Variants in SPOCK3 observed in about 807,000 individuals in gnomAD.
SPOCK3 encodes SPARC (osteonectin), cwcv and kazal like domains proteoglycan 3, also known as testican-3.
SPOCK3 carries 30 observed loss-of-function variants against 56.6 expected under a neutral mutation model. That is an observed-to-expected ratio of 0.53 (90% CI 0.40 to 0.72). SPOCK3 has a LOEUF of 0.72. Ranked by LOEUF, SPOCK3 falls within the 30% of genes least tolerant of loss-of-function variation. The pLI, the probability that SPOCK3 is intolerant of heterozygous loss-of-function variation, is 0.00. For synonymous variants in SPOCK3, 196 were observed against 183.3 expected, an observed-to-expected ratio of 1.07 and a Z score of -0.56; for missense variants, 527 against 530.0, an observed-to-expected ratio of 0.99 and a Z score of 0.06.
intron 5 of SPOCK3, among the ~76,000 whole-genome samples, chr4:166,896,418 T>A (rs181669614): frequency 6.6e-6 from 1 of 152,246 alleles, no homozygotes; most frequent in East Asian, 1.9e-4. Flanking sequence ...CTCTCTTACA[T>A]GTAATCTGAA....
intron 6 of SPOCK3, among the ~76,000 whole-genome samples, chr4:166,880,353 C>T (rs1299724516): frequency 6.6e-6 from 1 of 152,104 alleles, no homozygotes; most frequent in Non-Finnish European, 1.5e-5. Flanking sequence ...TCCTTAAGTC[C>T]TCCACAGATT....
intron 3 of SPOCK3, among the ~76,000 whole-genome samples, chr4:167,054,520 C>T (rs1339489865): frequency 6.6e-6 from 1 of 152,174 alleles, no homozygotes; most frequent in African/African-American, 2.4e-5. Context: ...CATGTCAACT[C>T]ATGATTAACT....
chr4:166,822,144 G>C (rs1164259650), intron 6 of SPOCK3, among the ~76,000 whole-genome samples: 1 of 151,254 alleles, frequency 6.6e-6, no homozygotes, highest in Non-Finnish European at 1.5e-5. Context: ...AATCATATCA[G>C]TGCTTATCTC....
At chr4:166,978,514 G>A (rs1746214392) in intron 4 of SPOCK3, among the ~76,000 whole-genome samples, 1 of 152,160 alleles carries the variant, frequency 6.6e-6, no homozygotes, top group South Asian at 2.1e-4. Flanking sequence ...TTGGTCTGGA[G>A]TCCCTTAAAA....
Position 167,162,599 on chromosome 4 carries a change from G to A in SPOCK3, c.189+71386C>T, listed in dbSNP as rs145305933. ...AAAGGCCCACTGGACAGTGCTGCTC[G>A]AAGGTATACATTATTACCTATCACC... On this transcript the variant is annotated intron_variant, in intron 2 of 10. Transcript: ENST00000357545. Among the ~76,000 whole-genome samples, 342 of 152,148 alleles carry A rather than the reference G, an allele frequency of 2.2e-3. 1 individual carries two copies. The highest frequency in any genetic ancestry group is 7.6e-3 in the African/African-American group (314 of 41,552).
chr4:166,939,474 T>C (rs988460846), intron 4 of SPOCK3, among the ~76,000 whole-genome samples: 2 of 152,080 alleles, frequency 1.3e-5, no homozygotes, highest in Non-Finnish European at 1.5e-5. Flanking sequence ...GGAAGAATTG[T>C]GAATTTTAAA....
At position 167,234,309 on chromosome 4, in the gene SPOCK3, G is replaced by T; in HGVS notation, c.1-136C>A. On this transcript the variant is annotated intron_variant, in intron 1 of 10. Coordinates refer to ENST00000357545, the MANE Select transcript of SPOCK3 (RefSeq NM_001040159.2). ...GAGGAGGAGACAAGCAGAGGCAAGC[G>T]TGTCCCCTCCCCGCAGGCTTTACCC... The T allele has an allele frequency of 7.3e-6, 6 of 821,252 alleles. No homozygotes were observed. The South Asian group carries it at 9.9e-5, about 14-fold the overall frequency. The allele number at this position is 821,252 out of a possible 1,614,324, so 50.9% of individuals were successfully genotyped here.
chr4:167,019,561 T>C (rs913334735), intron 3 of SPOCK3, among the ~76,000 whole-genome samples: 55 of 151,968 alleles, frequency 3.6e-4, no homozygotes, highest in African/African-American at 1.3e-3. Context: ...TACTACAAAG[T>C]ATGCAGTTTT....
At chr4:167,109,514 A>ATTTATATATTTTATATAAAAT (rs1760705613) in intron 2 of SPOCK3, among the ~76,000 whole-genome samples, 1 of 119,554 alleles carries the variant, frequency 8.4e-6, no homozygotes, top group African/African-American at 3.6e-5. Flanking sequence ...TATAAAATAT[A>ATTTATATATTTTATATAAAAT]ATATTTATAT....
rs75377568 is a variant in SPOCK3 at position 166,971,166 on chromosome 4, A to C, written c.350+29183T>G. On this transcript the variant is annotated intron_variant, in intron 4 of 10. Transcript: ENST00000357545. ...GGTGTTTGCAAGATGTGACACAGAG[A>C]AAGGTAAAAGGTTCATGAATTTTCT... Among the ~76,000 whole-genome samples, 120 of 152,352 alleles carry C rather than the reference A, an allele frequency of 7.9e-4. 3 individuals carry two copies. The East Asian group carries it at 0.015, about 19-fold the overall frequency.
intron 2 of SPOCK3, among the ~76,000 whole-genome samples, chr4:167,132,006 G>GC (rs1762742489): frequency 1.3e-5 from 2 of 152,056 alleles, no homozygotes; most frequent in Non-Finnish European, 2.9e-5. Context: ...TTTTTATCTA[G>GC]CATCTCTCCA....
intron 6 of SPOCK3, among the ~76,000 whole-genome samples, chr4:166,804,013 C>G (rs1482849615): frequency 2.6e-5 from 4 of 152,158 alleles, no homozygotes; most frequent in Non-Finnish European, 5.9e-5. Context: ...GAAGGGTTCA[C>G]TAGCAGCTTC....
At chr4:166,893,536 T>G (rs1735014273) in intron 5 of SPOCK3, among the ~76,000 whole-genome samples, 1 of 152,056 alleles carries the variant, frequency 6.6e-6, no homozygotes, top group Non-Finnish European at 1.5e-5. Flanking sequence ...AGACATATTT[T>G]TACAATAAAT....
intron 3 of SPOCK3, among the ~76,000 whole-genome samples, chr4:167,041,745 A>G (rs1753251960): frequency 6.6e-6 from 1 of 152,270 alleles, no homozygotes; most frequent in African/African-American, 2.4e-5. Context: ...AGATAGATGG[A>G]AGTATTTTGA....
At chr4:166,921,240 C>T (rs183907494) in intron 4 of SPOCK3, among the ~76,000 whole-genome samples, 154 of 152,050 alleles carry the variant, frequency 1.0e-3, no homozygotes, top group East Asian at 2.5e-3. Flanking sequence ...AAAAGGCAGC[C>T]TAATATTTTA....
intron 4 of SPOCK3, among the ~76,000 whole-genome samples, chr4:166,995,527 G>A (rs1423236659): frequency 1.3e-5 from 2 of 150,164 alleles, no homozygotes; most frequent in South Asian, 2.1e-4. Context: ...AAACAAGATA[G>A]GCATGATTTC....
intron 2 of SPOCK3, among the ~76,000 whole-genome samples, chr4:167,114,833 G>T (rs757897033): frequency 6.6e-6 from 1 of 151,988 alleles, no homozygotes. Context: ...GCTAAAGATA[G>T]TGTCTCATTC....
chr4:167,057,691 G>A (rs1387089553), intron 3 of SPOCK3, among the ~76,000 whole-genome samples: 1 of 152,090 alleles, frequency 6.6e-6, no homozygotes, highest in Non-Finnish European at 1.5e-5. Flanking sequence ...AGACAAAGAA[G>A]GCCATTACTT....
rs974227972 is a variant in SPOCK3 at position 167,137,604 on chromosome 4, T to A, written c.190-75067A>T. 2.0e-5 allele frequency among the ~76,000 whole-genome samples: 3 copies of A among 152,070 alleles called. No homozygotes were observed. The East Asian group carries it at 5.8e-4, about 29-fold the overall frequency. ...AACTTTACAACACTTTAGCCTGACC[T>A]CATTCCTATATATCATTGATTCTTT... is the stretch of plus-strand genomic sequence containing the variant. On this transcript the variant is annotated intron_variant, in intron 2 of 10. Transcript: ENST00000357545.
Sources: gnomAD v4.1 joint callset for allele counts (sites outside exome capture counted in the v4.1 genomes callset) on GRCh38, gnomAD v4.1.1 for gene constraint, MANE v1.5 for transcripts, NCBI Gene and HGNC (gene_info 2026-07-23, HGNC 2026-07-21) for gene names.